Variants in AGBL4 observed in about 807,000 individuals in gnomAD.
AGBL4 encodes the protein cytosolic carboxypeptidase 6.
In AGBL4, 58 loss-of-function variants were observed where a neutral mutation model predicts 66.4. The observed-to-expected ratio is 0.87, with a 90% CI of 0.71 to 1.09. AGBL4 has a LOEUF of 1.09. AGBL4 is among the 50% of genes least tolerant of loss of function. The pLI, the probability that AGBL4 is intolerant of heterozygous loss-of-function variation, is 0.00. For missense variants in AGBL4, 579 were observed against 631.0 expected, an observed-to-expected ratio of 0.92 and a Z score of 0.88; for synonymous variants, 234 against 222.9, an observed-to-expected ratio of 1.05 and a Z score of -0.44.
chr1:49,653,926 C>T (rs1260003518), intron 3 of AGBL4, among the ~76,000 whole-genome samples: 2 of 151,838 alleles, frequency 1.3e-5, no homozygotes, highest in South Asian at 4.2e-4. Flanking sequence ...GAGAACTTCC[C>T]CAACCTAGCA....
intron 4 of AGBL4, among the ~76,000 whole-genome samples, chr1:49,224,567 A>T (rs1649750491): frequency 6.7e-6 from 1 of 149,492 alleles, no homozygotes; most frequent in Non-Finnish European, 1.5e-5. Flanking sequence ...CAGTGAGCCC[A>T]GATTGCGCCA....
intron 5 of AGBL4, among the ~76,000 whole-genome samples, chr1:48,957,822 T>A (rs1657608939): frequency 6.6e-6 from 1 of 152,142 alleles, no homozygotes; most frequent in African/African-American, 2.4e-5. Flanking sequence ...TGATGATCAA[T>A]CAATCAATTA....
intron 4 of AGBL4, among the ~76,000 whole-genome samples, chr1:49,159,244 G>A (rs1481164734): frequency 2.1e-4 from 32 of 151,976 alleles, no homozygotes; most frequent in Non-Finnish European, 2.9e-5. Flanking sequence ...AGGAGCTCTT[G>A]TAAGGCAGGC....
intron 2 of AGBL4, among the ~76,000 whole-genome samples, chr1:49,763,928 GC>G (rs758569336): frequency 2.6e-5 from 4 of 152,250 alleles, no homozygotes; most frequent in Non-Finnish European, 5.9e-5. Flanking sequence ...AGACCCCCAT[GC>G]CCCTGCTACT....
intron 6 of AGBL4, among the ~76,000 whole-genome samples, chr1:48,760,262 C>T (rs753920680): frequency 6.6e-6 from 1 of 152,180 alleles, no homozygotes; most frequent in Non-Finnish European, 1.5e-5. Flanking sequence ...GTGAGAGTTA[C>T]AAGATCAAAT....
chr1:49,113,840 T>C (rs542479362), intron 4 of AGBL4, among the ~76,000 whole-genome samples: 1 of 152,318 alleles, frequency 6.6e-6, no homozygotes, highest in East Asian at 1.9e-4. Context: ...AAGAATTTTT[T>C]TTTTCCCTGA....
chr1:49,520,601 T>C (rs1357121863), intron 3 of AGBL4, among the ~76,000 whole-genome samples: 2 of 151,918 alleles, frequency 1.3e-5, no homozygotes, highest in South Asian at 2.1e-4. Flanking sequence ...CCCATTACAA[T>C]CTATACTCAG....
intron 3 of AGBL4, among the ~76,000 whole-genome samples, chr1:49,269,679 C>G (rs1332306170): frequency 6.6e-6 from 1 of 152,188 alleles, no homozygotes; most frequent in African/African-American, 2.4e-5. Flanking sequence ...CCACCATAAC[C>G]TGTTTTGGCC....
intron 1 of AGBL4, among the ~76,000 whole-genome samples, chr1:50,004,882 G>C (rs962105563): frequency 6.6e-6 from 1 of 152,042 alleles, no homozygotes; most frequent in African/African-American, 2.4e-5. Context: ...GAGAAAAGGA[G>C]AGGGAAGAAC....
chr1:49,021,360 G>A (rs1663234305), intron 5 of AGBL4, among the ~76,000 whole-genome samples: 1 of 152,162 alleles, frequency 6.6e-6, no homozygotes, highest in African/African-American at 2.4e-5. Context: ...CTGAACGTTT[G>A]TGTCCCCTTC....
At chr1:49,364,772 C>T (rs1570531267) in intron 3 of AGBL4, among the ~76,000 whole-genome samples, 1 of 152,286 alleles carries the variant, frequency 6.6e-6, no homozygotes, top group South Asian at 2.1e-4. Flanking sequence ...GCCACCGTGC[C>T]GGGCCCATGT....
chr1:49,515,367 T>A (rs1649695659), intron 3 of AGBL4, among the ~76,000 whole-genome samples: 1 of 152,032 alleles, frequency 6.6e-6, no homozygotes, highest in Non-Finnish European at 1.5e-5. Context: ...AGAATGGACA[T>A]CATTAAAAAG....
intron 3 of AGBL4, among the ~76,000 whole-genome samples, chr1:49,313,915 T>C (rs983175678): frequency 5.9e-5 from 9 of 152,206 alleles, no homozygotes; most frequent in African/African-American, 2.2e-4. Context: ...CCATTGCTTT[T>C]GGTGTTTTAT....
chr1:48,581,909 G>A (rs549237757), intron 11 of AGBL4, among the ~76,000 whole-genome samples: 114 of 152,328 alleles, frequency 7.5e-4, no homozygotes, highest in African/African-American at 2.6e-3. Flanking sequence ...CACCAGCACT[G>A]TATTCTTGCC....
At chr1:49,353,457 T>G (rs1643952774) in intron 3 of AGBL4, among the ~76,000 whole-genome samples, 1 of 152,168 alleles carries the variant, frequency 6.6e-6, no homozygotes, top group African/African-American at 2.4e-5. Context: ...ATAAACATAA[T>G]TATAATTCAC....
intron 3 of AGBL4, among the ~76,000 whole-genome samples, chr1:49,687,321 A>C (rs1646805015): frequency 6.6e-6 from 1 of 152,184 alleles, no homozygotes; most frequent in Admixed American, 6.5e-5. Context: ...GGCACAGATA[A>C]ATTTAGGAAA....
intron 4 of AGBL4, among the ~76,000 whole-genome samples, chr1:49,108,761 C>T (rs1322103526): frequency 6.6e-6 from 1 of 152,104 alleles, no homozygotes; most frequent in Admixed American, 6.5e-5. Context: ...TGCCACCTGC[C>T]AGCAGGAGAT....
At chr1:49,787,475 C>A (rs1433892360) in intron 2 of AGBL4, among the ~76,000 whole-genome samples, 1 of 150,854 alleles carries the variant, frequency 6.6e-6, no homozygotes, top group Non-Finnish European at 1.5e-5. Flanking sequence ...TGCACTCCAG[C>A]CTGGGCGACA....
intron 4 of AGBL4, among the ~76,000 whole-genome samples, chr1:49,218,259 A>G (rs1649234462): frequency 6.6e-6 from 1 of 152,142 alleles, no homozygotes; most frequent in Non-Finnish European, 1.5e-5. Flanking sequence ...TCAAGTGTTT[A>G]GTGACCAAGA....
Sources: allele counts gnomAD v4.1 joint callset (sites outside exome capture counted in the v4.1 genomes callset), GRCh38; gene constraint gnomAD v4.1.1; transcripts MANE v1.5; gene names NCBI Gene and HGNC (gene_info 2026-07-23, HGNC 2026-07-21).